Variants in NCR3LG1 observed in about 807,000 individuals in gnomAD.
NCR3LG1 encodes the protein natural cytotoxicity triggering receptor 3 ligand 1.
In NCR3LG1, 35 loss-of-function variants were observed where a neutral mutation model predicts 34.8. The ratio of observed to expected loss-of-function variants is 1.01; its 90% CI spans 0.77 to 1.33. The LOEUF (loss-of-function observed/expected upper bound fraction) is 1.33, where lower values mean the gene tolerates loss of function less well. NCR3LG1 is among the 40% of genes most tolerant of loss of function. NCR3LG1 has a pLI of 0.00. For synonymous variants in NCR3LG1, 173 were observed against 163.6 expected (o/e 1.06, Z -0.44); for missense variants, 452 against 423.3 (o/e 1.07, Z -0.60).
At chr11:17,378,301 A>G (rs1407560109), downstream of NCR3LG1, among the ~76,000 whole-genome samples, 3 of 152,176 alleles carry the variant, frequency 2.0e-5, no homozygotes, top group Non-Finnish European at 1.5e-5. Context: ...AAATTAGAAC[A>G]TTGACAGATT....
intron 2 of NCR3LG1, among the ~76,000 whole-genome samples, chr11:17,364,742 C>T (rs1314434844): frequency 2.0e-5 from 3 of 151,602 alleles, no homozygotes; most frequent in African/African-American, 7.3e-5. Context: ...AATGGGGTTT[C>T]TCCATATTGG....
intron 2 of NCR3LG1, among the ~76,000 whole-genome samples, chr11:17,363,574 CT>C (rs1953311245): frequency 1.6e-5 from 1 of 64,052 alleles, no homozygotes; most frequent in African/African-American, 6.3e-5. Flanking sequence ...CTTCCTCTTT[CT>C]CTCTTTTCTT....
At position 17,377,253 on chromosome 11, in the gene NCR3LG1, T is replaced by A. The variant is rs1591690455; in HGVS notation, c.*4741T>A. 1 of 143,918 alleles carries A rather than the reference T, an allele frequency of 6.9e-6. No individual in the cohort carries two copies. Among genetic ancestry groups the A allele is most frequent in the East Asian group, 2.0e-4 (1 of 4,938 alleles). The allele number at this position is 143,918 out of a possible 1,614,324, so 8.9% of individuals were successfully genotyped here. On this transcript the variant is annotated 3_prime_UTR_variant, in exon 5 of 5. Coordinates refer to ENST00000338965, the MANE Select transcript of NCR3LG1 (RefSeq NM_001202439.3). ...CAGCACTTTGGGAGGCTGAGGCAGG[T>A]AGATGATGAGGTCAGGAGTTCAAGA...
intron 4 of NCR3LG1, among the ~76,000 whole-genome samples, chr11:17,369,712 C>T (rs945397836): frequency 7.9e-5 from 12 of 152,188 alleles, no homozygotes; most frequent in East Asian, 5.8e-4. Flanking sequence ...TTTAGATTCA[C>T]GGGACTTATT....
At position 17,367,087 on chromosome 11, in the gene NCR3LG1, G is replaced by C; in HGVS notation, c.500G>C (p.Gly167Ala). ...GACAAATATATGTGTGAGTCAAGTG[G>C]GTTCTACCCAGAGGCTATTAATATA... ...NEDKYMCESS[G>A]FYPEAINITW... The change falls in exon 3 of 5, where the codon GGG becomes GCG. Residue 167 changes from glycine to alanine, a missense_variant. Gly to Ala is a moderately conservative substitution (Grantham distance 60). Transcript: ENST00000338965. The C allele has an allele frequency of 6.5e-7, 1 of 1,536,194 alleles. No homozygotes were observed. The highest frequency in any genetic ancestry group is 1.2e-5 in the South Asian group (1 of 84,068).
At chr11:17,369,258 G>A (rs1953381157) in intron 4 of NCR3LG1, among the ~76,000 whole-genome samples, 1 of 152,190 alleles carries the variant, frequency 6.6e-6, no homozygotes, top group Non-Finnish European at 1.5e-5. Context: ...TTATATCTCT[G>A]TGAATGAACC....
At chr11:17,358,916 GT>G (rs1953240108) in intron 2 of NCR3LG1, among the ~76,000 whole-genome samples, 1 of 152,050 alleles carries the variant, frequency 6.6e-6, no homozygotes, top group African/African-American at 2.4e-5. Flanking sequence ...GTAAGATTTT[GT>G]TTTGTTTTAT....
Position 17,373,675 on chromosome 11 carries a change from ATG to A in NCR3LG1, c.*1164_*1165del, listed in dbSNP as rs2133367040. On this transcript the variant is annotated 3_prime_UTR_variant, in exon 5 of 5. Coordinates refer to ENST00000338965, the MANE Select transcript of NCR3LG1 (RefSeq NM_001202439.3). ...CCTTCGTTCCTCCCATAGCACAACC[ATG>A]ATGGGCATCTCAGGAAAGACTTTAA... is the stretch of plus-strand genomic sequence containing the variant. 6.6e-6 allele frequency: 1 copy of A among 150,424 alleles called. No homozygotes were observed. Among genetic ancestry groups the A allele is most frequent in the East Asian group, 1.9e-4 (1 of 5,184 alleles). The allele number at this position is 150,424 out of a possible 1,614,324, so 9.3% of individuals were successfully genotyped here. A position where few individuals can be genotyped will look rare whatever the true frequency, so the allele number is the denominator to read the frequency against.
chr11:17,353,580 G>A (rs1003020016), intron 1 of NCR3LG1, among the ~76,000 whole-genome samples: 45 of 152,314 alleles, frequency 3.0e-4, no homozygotes, highest in African/African-American at 1.1e-3. Flanking sequence ...CCCTCCTCAG[G>A]GGCCTTGGGT....
At chr11:17,354,986 C>T (rs892427449) in intron 1 of NCR3LG1, among the ~76,000 whole-genome samples, 2 of 152,154 alleles carry the variant, frequency 1.3e-5, no homozygotes, top group African/African-American at 4.8e-5. Context: ...AGTAATGAGT[C>T]TGACTTCTTT....
At chr11:17,366,686 C>A (rs1387411363) in intron 2 of NCR3LG1, among the ~76,000 whole-genome samples, 1 of 152,152 alleles carries the variant, frequency 6.6e-6, no homozygotes, top group Non-Finnish European at 1.5e-5. Flanking sequence ...CACCAACATA[C>A]CCAGAATATT....
chr11:17,353,171 T>C (rs906355741), intron 1 of NCR3LG1, among the ~76,000 whole-genome samples: 4 of 152,204 alleles, frequency 2.6e-5, no homozygotes, highest in Non-Finnish European at 4.4e-5. Flanking sequence ...GGACATACAA[T>C]GCAATACCAT....
In NCR3LG1 at chr11:17,375,193, A is replaced by G. The variant is rs542914681; in HGVS notation, c.*2681A>G. 2.0e-5 allele frequency: 3 copies of G among 152,354 alleles called. No homozygotes were observed. The highest frequency in any genetic ancestry group is 1.9e-4 in the East Asian group (1 of 5,190). 9.4% of individuals were successfully genotyped at this position (152,354 alleles called of 1,614,324 possible). ...AGTATCAGACTTTGCTGCTAGAGGA[A>G]TCTGCAGTCCAGTTAAAAACCTGAC... On this transcript the variant is annotated 3_prime_UTR_variant, in exon 5 of 5. Transcript: ENST00000338965.
At chr11:17,356,471 C>T (rs934505521) in intron 1 of NCR3LG1, among the ~76,000 whole-genome samples, 180 bp from the exon 2 acceptor site, 4 of 152,094 alleles carry the variant, frequency 2.6e-5, no homozygotes, top group African/African-American at 7.2e-5. Context: ...TAATCCCATT[C>T]GTGAGGACTT....
chr11:17,367,298 C>T lies in NCR3LG1; in HGVS notation c.711C>T (p.Thr237=), dbSNP rs996077429. The T allele has an allele frequency of 9.8e-6, 15 of 1,535,846 alleles. No homozygotes were observed. In the Admixed American group the frequency reaches 2.6e-4, roughly 26 times the overall value. The change falls in exon 3 of 5, where the codon ACC becomes ACT. Residue 237 remains threonine (T), a synonymous_variant. Transcript: ENST00000338965. The stretch of plus-strand genomic sequence containing the variant: ...TGGTACGGCATGCGTCCTTGCATAC[C>T]CCCTTGAGGAGCAACTTTACCCTGA... ...QCVVRHASLH[T]PLRSNFTLTA...
intron 1 of NCR3LG1, among the ~76,000 whole-genome samples, chr11:17,352,692 G>GA: frequency 6.6e-6 from 1 of 152,184 alleles, no homozygotes; most frequent in Non-Finnish European, 1.5e-5. Flanking sequence ...CGGTAAATTG[G>GA]AAAAATCATT....
chr11:17,366,246 C>G (rs1035614471), intron 2 of NCR3LG1, among the ~76,000 whole-genome samples: 1 of 152,178 alleles, frequency 6.6e-6, no homozygotes, highest in Non-Finnish European at 1.5e-5. Flanking sequence ...GTATCGTCCA[C>G]CTTGTGTTTG....
intron 2 of NCR3LG1, among the ~76,000 whole-genome samples, chr11:17,359,922 C>T (rs1254984726): frequency 2.6e-5 from 4 of 151,908 alleles, no homozygotes; most frequent in Admixed American, 6.6e-5. Context: ...ACTTGCCATT[C>T]GTATGTCTTC....
chr11:17,372,439 C>T lies in NCR3LG1; in HGVS notation c.1292C>T (p.Pro431Leu). 4.3e-6 allele frequency: 3 copies of T among 699,436 alleles called. No individual in the cohort carries two copies. Among genetic ancestry groups the T allele is most frequent in the South Asian group, 3.0e-5 (2 of 67,354 alleles). The allele number at this position is 699,436 out of a possible 1,614,324, so 43.3% of individuals were successfully genotyped here. The change falls in exon 5 of 5, where the codon CCT becomes CTT. Residue 431 changes from proline to leucine, a missense_variant. Coordinates refer to ENST00000338965, the MANE Select transcript of NCR3LG1 (RefSeq NM_001202439.3). ...CTTCCTGTCTCCCCTATCTGGGAACCTCCTCCAGCCACAACATCAACAACT... is the reference window on the plus strand; with the variant it reads ...CTTCCTGTCTCCCCTATCTGGGAACTTCCTCCAGCCACAACATCAACAACT... The part of the protein sequence containing the change: ...PILPVSPIWE[P>L]PPATTSTTPV...
Sources: allele counts gnomAD v4.1 joint callset (sites outside exome capture counted in the v4.1 genomes callset), GRCh38; gene constraint gnomAD v4.1.1; transcripts MANE v1.5; gene names NCBI Gene and HGNC (gene_info 2026-07-23, HGNC 2026-07-21).